DPP8: variants seen among roughly 807,000 people sequenced by gnomAD.
DPP8 encodes DPP VIII.
Under a neutral mutation model 107.5 loss-of-function variants are expected in DPP8, and 31 were observed. The ratio of observed to expected loss-of-function variants is 0.29; its 90% CI spans 0.22 to 0.39. DPP8 has a LOEUF of 0.39. DPP8 is among the 10% of genes least tolerant of loss of function. The pLI is 1.00. For missense variants in DPP8, 842 were observed against 1,076.1 expected (o/e 0.78, Z 3.04); for synonymous variants, 381 against 356.6 (o/e 1.07, Z -0.77).
At chr15:65,496,022 CG>C (rs2068559382) in intron 5 of DPP8, among the ~76,000 whole-genome samples, 7 of 151,236 alleles carry the variant, frequency 4.6e-5, no homozygotes, top group African/African-American at 1.7e-4. Flanking sequence ...GTCCCTCTGT[CG>C]CCCAGGCTGG....
At chr15:65,511,842 C>A in intron 2 of DPP8, 24 of 234,664 alleles carry the variant, frequency 1.0e-4, no homozygotes, top group East Asian at 4.0e-4. Flanking sequence ...ATTTAACAAA[C>A]AAGAAAGTAA....
intron 2 of DPP8, 45 bp from the exon 3 acceptor site, chr15:65,507,400 T>C (rs1406783846): frequency 8.0e-7 from 1 of 1,253,048 alleles, no homozygotes; most frequent in South Asian, 1.2e-5. Flanking sequence ...TCGAATAGCA[T>C]TCTTACTACA....
chr15:65,468,876 A>C (rs1343609834), intron 12 of DPP8, among the ~76,000 whole-genome samples: 1 of 152,174 alleles, frequency 6.6e-6, no homozygotes, highest in African/African-American at 2.4e-5. Context: ...CTTAACATCC[A>C]AGGAAGTATC....
At chr15:65,455,770 T>C in intron 16 of DPP8, 1 of 1,287,792 alleles carries the variant, frequency 7.8e-7, no homozygotes, top group Non-Finnish European at 1.0e-6. Flanking sequence ...AAAAGGAACA[T>C]CGGATTCTCA....
chr15:65,474,090 G>A, intron 12 of DPP8, 119 bp downstream of exon 12: 1 of 752,724 alleles, frequency 1.3e-6, no homozygotes, highest in East Asian at 2.7e-5. Flanking sequence ...AGGCGACAGA[G>A]CAAGACTCTG....
intron 12 of DPP8, among the ~76,000 whole-genome samples, chr15:65,468,999 G>C (rs550302016): frequency 1.3e-5 from 2 of 152,208 alleles, no homozygotes; most frequent in East Asian, 3.9e-4. Context: ...TTTTGAGACC[G>C]AGTTTCGCTC....
At chr15:65,467,985 T>C (rs1366169328) in intron 12 of DPP8, among the ~76,000 whole-genome samples, 1 of 152,138 alleles carries the variant, frequency 6.6e-6, no homozygotes, top group Non-Finnish European at 1.5e-5. Flanking sequence ...ATCTATTGGG[T>C]TGTGGAATAA....
intron 15 of DPP8, among the ~76,000 whole-genome samples, chr15:65,463,446 G>T (rs1449576133): frequency 2.0e-5 from 3 of 152,006 alleles, no homozygotes; most frequent in Non-Finnish European, 4.4e-5. Flanking sequence ...GGAGGCTGAG[G>T]CAGAAGAATC....
intron 11 of DPP8, among the ~76,000 whole-genome samples, chr15:65,477,749 G>C (rs2066531300): frequency 6.6e-6 from 1 of 151,906 alleles, no homozygotes. Context: ...AGCCAGGATG[G>C]TCTCAATCTC....
chr15:65,508,504 T>A (rs1178887348), intron 2 of DPP8, among the ~76,000 whole-genome samples: 2 of 152,080 alleles, frequency 1.3e-5, no homozygotes, highest in Non-Finnish European at 2.9e-5. Flanking sequence ...ACACTATGGT[T>A]ATGAAGATAT....
chr15:65,448,728 TATACATATATATCTA>T (rs1301023471), intron 19 of DPP8, among the ~76,000 whole-genome samples: 1 of 122,710 alleles, frequency 8.1e-6, no homozygotes, highest in Non-Finnish European at 1.6e-5. Flanking sequence ...ATATATAAAA[TATACATATATATCTA>T]AAATATACAT....
At chr15:65,491,460 C>CT (rs1412051121) in intron 5 of DPP8, among the ~76,000 whole-genome samples, 8 of 152,162 alleles carry the variant, frequency 5.3e-5, no homozygotes, top group Admixed American at 2.0e-4. Flanking sequence ...ACTCATGCTC[C>CT]TTCCCAGTCA....
intron 8 of DPP8, among the ~76,000 whole-genome samples, chr15:65,482,565 C>T (rs962511724): frequency 8.6e-5 from 13 of 152,046 alleles, no homozygotes; most frequent in South Asian, 2.1e-4. Flanking sequence ...TGTAAGCCAC[C>T]GTGCTTGGCC....
At chr15:65,469,653 CAAAAAAAAAAA>C (rs61311948) in intron 12 of DPP8, among the ~76,000 whole-genome samples, 3 of 66,554 alleles carry the variant, frequency 4.5e-5, no homozygotes, top group Non-Finnish European at 8.5e-5. Flanking sequence ...AACTCCGTCT[CAAAAAAAAAAA>C]AAAAAAAAAA....
chr15:65,453,873 C>A (rs2064177836), intron 17 of DPP8, among the ~76,000 whole-genome samples: 1 of 151,968 alleles, frequency 6.6e-6, no homozygotes, highest in South Asian at 2.1e-4. Context: ...TTTGGGAGGC[C>A]AACGCAGGTG....
intron 2 of DPP8, among the ~76,000 whole-genome samples, chr15:65,508,239 CA>C (rs111311984): frequency 0.21 from 30,198 of 142,404 alleles, 3,327 homozygotes; most frequent in African/African-American, 0.31. Context: ...GACTCCGTCT[CA>C]AAAAAAAAAA....
intron 5 of DPP8, among the ~76,000 whole-genome samples, chr15:65,494,064 T>A (rs976736263): frequency 6.0e-5 from 9 of 150,856 alleles, no homozygotes; most frequent in Non-Finnish European, 1.2e-4. Context: ...TTTACAGATG[T>A]GGAAACTAAG....
At chr15:65,493,084 CTT>C (rs2068203693) in intron 5 of DPP8, among the ~76,000 whole-genome samples, 1 of 151,762 alleles carries the variant, frequency 6.6e-6, no homozygotes, top group African/African-American at 2.4e-5. Context: ...TGTTTTCTTT[CTT>C]TCTCTCTTTT....
At position 65,443,229 on chromosome 15, in the gene DPP8, A is replaced by T. The variant is rs534735662; in HGVS notation, c.*3655T>A. On this transcript the variant is annotated 3_prime_UTR_variant, in exon 20 of 20. Transcript: ENST00000300141. ...CTTTTCTATATATCATTTAACTACC[A>T]TGAGGCAGGACACCTGGCTGGAGTC... is the stretch of plus-strand genomic sequence containing the variant. The T allele has an allele frequency of 1.3e-5, 2 of 152,306 alleles. No individual in the cohort carries two copies. The highest frequency in any genetic ancestry group is 4.1e-4 in the South Asian group (2 of 4,824). The allele number at this position is 152,306 out of a possible 1,614,324, so 9.4% of individuals were successfully genotyped here.
Sources: gnomAD v4.1 joint callset for allele counts (sites outside exome capture counted in the v4.1 genomes callset) on GRCh38, gnomAD v4.1.1 for gene constraint, MANE v1.5 for transcripts, NCBI Gene and HGNC (gene_info 2026-07-23, HGNC 2026-07-21) for gene names.